CAST: variants seen among roughly 807,000 people sequenced by gnomAD.
The protein encoded by CAST is MIR583 host.
A neutral mutation model predicts 119.6 loss-of-function variants in CAST; 76 were observed. That is an observed-to-expected ratio of 0.64 (90% CI 0.53 to 0.77). The LOEUF is 0.77. CAST is among the 30% of genes least tolerant of loss of function. The probability of loss-of-function intolerance (pLI) is 0.00; values close to 1 mark genes in which losing one functional copy is unlikely to be tolerated. For missense variants in CAST, 953 were observed against 946.5 expected (o/e 1.01, Z -0.09); for synonymous variants, 319 against 331.6 (o/e 0.96, Z 0.41).
the CAST span, among the ~76,000 whole-genome samples, chr5:96,400,600 A>G: frequency 6.6e-6 from 1 of 152,230 alleles, no homozygotes; most frequent in Non-Finnish European, 1.5e-5. Context: ...GAACCCACAG[A>G]CGAGGCCTTG....
At chr5:96,238,534 C>A in the CAST span, among the ~76,000 whole-genome samples, 2 of 150,328 alleles carry the variant, frequency 1.3e-5, no homozygotes, top group East Asian at 3.9e-4. Flanking sequence ...ATTATAGGCA[C>A]CTGCCACCAC....
the CAST span, among the ~76,000 whole-genome samples, chr5:96,401,086 CAAAAAAAAA>C: frequency 9.9e-5 from 7 of 70,576 alleles, no homozygotes; most frequent in South Asian, 1.6e-3. Context: ...GACTCCGTCT[CAAAAAAAAA>C]AAAAAAAAAA....
At chr5:96,272,614 G>T in the CAST span, among the ~76,000 whole-genome samples, 1 of 152,066 alleles carries the variant, frequency 6.6e-6, no homozygotes, top group Non-Finnish European at 1.5e-5. Context: ...GGGAGAGGGG[G>T]GATGAAGGGA....
the CAST span, among the ~76,000 whole-genome samples, chr5:96,017,001 TA>T: frequency 2.6e-5 from 4 of 152,038 alleles, no homozygotes; most frequent in African/African-American, 9.7e-5. Context: ...CACGCACAGC[TA>T]ATTTTTTGTA....
chr5:96,668,435 T>C (rs1749624964), intron 1 of CAST, among the ~76,000 whole-genome samples: 1 of 152,254 alleles, frequency 6.6e-6, no homozygotes, highest in Non-Finnish European at 1.5e-5. Flanking sequence ...TTCTAATGTT[T>C]ACAGCCTTAG....
intron 29 of CAST, chr5:96,769,429 C>T (rs1201261521): frequency 1.3e-5 from 2 of 150,004 alleles, no homozygotes; most frequent in African/African-American, 4.9e-5. Flanking sequence ...TACACAAAAG[C>T]CAGTCCTGAT....
At chr5:96,502,821 C>T in the CAST span, among the ~76,000 whole-genome samples, 10 of 152,190 alleles carry the variant, frequency 6.6e-5, no homozygotes, top group South Asian at 2.1e-3. Flanking sequence ...AATATGACTC[C>T]AACTCACTTC....
the CAST span, among the ~76,000 whole-genome samples, chr5:96,317,666 C>G: frequency 1.3e-5 from 2 of 152,012 alleles, no homozygotes; most frequent in African/African-American, 4.8e-5. Context: ...AGCTTTTAAA[C>G]AAGCCACTTC....
chr5:96,138,754 C>A, the CAST span, among the ~76,000 whole-genome samples: 1 of 151,678 alleles, frequency 6.6e-6, no homozygotes, highest in Non-Finnish European at 1.5e-5. Flanking sequence ...GCTTCAGATT[C>A]CAATTGTTCA....
At chr5:96,640,898 TAA>T (rs1429432914) in intron 1 of CAST, among the ~76,000 whole-genome samples, 1 of 152,154 alleles carries the variant, frequency 6.6e-6, no homozygotes, top group Non-Finnish European at 1.5e-5. Context: ...GAAACTAAGG[TAA>T]AGTCTCCGTT....
At chr5:96,413,961 T>TA in the CAST span, among the ~76,000 whole-genome samples, 1 of 12,618 alleles carries the variant, frequency 7.9e-5, no homozygotes. Context: ...CCACTAAAAA[T>TA]ACAAAAAAAA....
At chr5:96,534,801 G>GA (rs1365421304) in intron 1 of CAST, among the ~76,000 whole-genome samples, 84 of 108,460 alleles carry the variant, frequency 7.7e-4, no homozygotes, top group Non-Finnish European at 1.1e-3. Flanking sequence ...AAGAAAGAAA[G>GA]AAGAAAGAAA....
intron 1 of CAST, among the ~76,000 whole-genome samples, chr5:96,622,000 C>T (rs1747619247): frequency 1.7e-5 from 2 of 116,550 alleles, no homozygotes; most frequent in African/African-American, 6.8e-5. Context: ...GATGGAGTCT[C>T]ACTCTGTTGC....
chr5:96,294,347 TCTTCAATGTAG>T, the CAST span, among the ~76,000 whole-genome samples: 1 of 152,228 alleles, frequency 6.6e-6, no homozygotes, highest in African/African-American at 2.4e-5. Flanking sequence ...GCAGTATGCT[TCTTCAATGTAG>T]CTCACCTCAG....
At chr5:96,131,341 A>G in the CAST span, among the ~76,000 whole-genome samples, 1 of 152,026 alleles carries the variant, frequency 6.6e-6, no homozygotes, top group Non-Finnish European at 1.5e-5. Context: ...TATTTTTGGA[A>G]GCCTGCACAA....
chr5:96,411,926 C>T, the CAST span, among the ~76,000 whole-genome samples: 3 of 152,188 alleles, frequency 2.0e-5, no homozygotes, highest in African/African-American at 7.2e-5. Flanking sequence ...TCTTGTGCCT[C>T]AGCCTCCCGA....
chr5:96,641,608 T>C (rs1676142864), intron 1 of CAST, among the ~76,000 whole-genome samples: 1 of 152,164 alleles, frequency 6.6e-6, no homozygotes, highest in African/African-American at 2.4e-5. Flanking sequence ...TCTACAGCCT[T>C]CTTCTGCCTT....
At chr5:96,707,550 C>T (rs748330582) in intron 3 of CAST, among the ~76,000 whole-genome samples, 1 of 151,964 alleles carries the variant, frequency 6.6e-6, no homozygotes, top group Non-Finnish European at 1.5e-5. Flanking sequence ...CCACTTCTGG[C>T]TAAATTTTGT....
chr5:96,203,169 C>T, the CAST span, among the ~76,000 whole-genome samples: 1 of 151,594 alleles, frequency 6.6e-6, no homozygotes, highest in South Asian at 2.1e-4. Context: ...CATAATATAT[C>T]GTGATCACCT....
Sources: allele counts gnomAD v4.1 joint callset (sites outside exome capture counted in the v4.1 genomes callset), GRCh38; gene constraint gnomAD v4.1.1; transcripts MANE v1.5; gene names NCBI Gene and HGNC (gene_info 2026-07-23, HGNC 2026-07-21).